The following DPF2 variants were observed in gnomAD, a reference collection of about 807,000 sequenced individuals.
DPF2 encodes the protein double PHD fingers 2, also known as zinc finger protein ubi-d4.
A neutral mutation model predicts 59.6 loss-of-function variants in DPF2; 10 were observed. The ratio of observed to expected loss-of-function variants is 0.17; its 90% CI spans 0.10 to 0.28. The LOEUF is 0.28. Among genes scored for constraint, DPF2 ranks in the 10% least tolerant of loss-of-function variants. The pLI is 1.00. For synonymous variants in DPF2, 189 were observed against 190.6 expected, an observed-to-expected ratio of 0.99 and a Z score of 0.07; for missense variants, 315 against 509.4, an observed-to-expected ratio of 0.62 and a Z score of 3.67.
intron 1 of DPF2, among the ~76,000 whole-genome samples, chr11:65,334,225 C>G (rs1218913701): frequency 1.3e-5 from 2 of 152,236 alleles, no homozygotes; most frequent in Admixed American, 1.3e-4. Context: ...GCGAGACTCA[C>G]CGTCCCGGTC....
At chr11:65,346,852 G>A (rs1403322066) in intron 9 of DPF2, 1 of 156,194 alleles carries the variant, frequency 6.4e-6, no homozygotes, top group Non-Finnish European at 1.4e-5. Flanking sequence ...AAGGCCTTAT[G>A]TTGGACAAGC....
In DPF2 at chr11:65,333,880, A is replaced by G. The variant is rs200766161; in HGVS notation, c.-7A>G. The G allele has an allele frequency of 2.2e-5, 35 of 1,613,926 alleles. No individual in the cohort carries two copies. The East Asian group carries it at 5.6e-4, about 26-fold the overall frequency. ...GCTTCTCGGCCCGAGGCAGAGGAAC[A>G]GGGAAGATGGCGGCTGTGGTGGAGA... is the stretch of plus-strand genomic sequence containing the variant. On this transcript the variant is annotated 5_prime_UTR_variant, in exon 1 of 11. Coordinates refer to ENST00000528416, the MANE Select transcript of DPF2 (RefSeq NM_006268.5).
intron 9 of DPF2, 111 bp downstream of exon 9, chr11:65,346,470 A>G (rs924140582): frequency 1.2e-6 from 1 of 869,480 alleles, no homozygotes; most frequent in South Asian, 1.6e-5. Flanking sequence ...GATCCCTCCC[A>G]CATGCCACAC....
chr11:65,338,880 C>T (rs768941561), intron 1 of DPF2, among the ~76,000 whole-genome samples: 2 of 152,142 alleles, frequency 1.3e-5, no homozygotes, highest in Non-Finnish European at 2.9e-5. Context: ...TGTTTGCTGT[C>T]TCATCCCCAG....
Position 65,344,333 on chromosome 11 carries a change from C to T in DPF2, c.637+264C>T, listed in dbSNP as rs1854466888. On this transcript the variant is annotated intron_variant, in intron 6 of 10. Coordinates refer to ENST00000528416, the MANE Select transcript of DPF2 (RefSeq NM_006268.5). ...GGGGGCCACAGCAGGCAGGGTTGGCCTCTCAACAGATGGCCTGCAGGTCTC... is the reference window on the plus strand; with the variant it reads ...GGGGGCCACAGCAGGCAGGGTTGGCTTCTCAACAGATGGCCTGCAGGTCTC... The T allele has an allele frequency of 4.9e-6, 3 of 612,332 alleles. No individual in the cohort carries two copies. In the East Asian group the frequency reaches 8.2e-5, roughly 17 times the overall value. The allele number at this position is 612,332 out of a possible 1,614,324, so 37.9% of individuals were successfully genotyped here.
intron 1 of DPF2, among the ~76,000 whole-genome samples, chr11:65,336,064 C>T (rs868652294): frequency 3.3e-5 from 5 of 151,938 alleles, no homozygotes; most frequent in South Asian, 2.1e-4. Flanking sequence ...TCACCCGCCT[C>T]GGCCTCCCAA....
In DPF2 at chr11:65,353,750, T is replaced by G. The variant is rs1179078558; in HGVS notation, c.*1991T>G. 6.6e-6 allele frequency among the ~76,000 whole-genome samples: 1 copy of G among 152,198 alleles called. No homozygotes were observed. Among genetic ancestry groups the G allele is most frequent in the Non-Finnish European group, 1.5e-5 (1 of 68,032 alleles). ...ACATTCTGAAAGTCATCCTTGCCTA[T>G]GGGAAGCCTAGGCCGGCCTGCACTG... On this transcript the variant is annotated 3_prime_UTR_variant, in exon 11 of 11. Transcript: ENST00000528416.
chr11:65,351,853 T>C lies in DPF2; in HGVS notation c.*94T>C, dbSNP rs1212694234. The C allele has an allele frequency of 7.1e-7, 1 of 1,409,942 alleles. No individual in the cohort carries two copies. Among genetic ancestry groups the C allele is most frequent in the Admixed American group, 1.8e-5 (1 of 54,440 alleles). The allele number at this position is 1,409,942 out of a possible 1,614,324, so 87.3% of individuals were successfully genotyped here. ...ATCTTTCCCTTCTTCCTCCTCTCCT[T>C]CACAAATCCAGAGAACCTTGGGGTG... On this transcript the variant is annotated 3_prime_UTR_variant, in exon 11 of 11. Coordinates refer to ENST00000528416, the MANE Select transcript of DPF2 (RefSeq NM_006268.5).
chr11:65,334,303 G>GCCCAC (rs1950067350), intron 1 of DPF2, among the ~76,000 whole-genome samples: 2 of 138,938 alleles, frequency 1.4e-5, no homozygotes, highest in African/African-American at 5.2e-5. Flanking sequence ...CTGGCCCGCC[G>GCCCAC]CCCACCCCGC....
At position 65,340,445 on chromosome 11, in the gene DPF2, C is replaced by T. The variant is rs150681380; in HGVS notation, c.93C>T (p.Leu31=). The change falls in exon 2 of 11, where the codon CTC becomes CTT. Residue 31 remains leucine, a synonymous_variant. Transcript: ENST00000528416. ...MEQCHNYNAR[L]CAERSVRLPF... ...AGTGCCACAATTACAATGCTCGCCTCTGTGCTGAGCGCAGCGTGCGCCTGC... is the reference window on the plus strand; with the variant it reads ...AGTGCCACAATTACAATGCTCGCCTTTGTGCTGAGCGCAGCGTGCGCCTGC... 66 of 1,614,254 alleles carry T rather than the reference C, an allele frequency of 4.1e-5. No individual in the cohort carries two copies. In the African/African-American group the frequency reaches 8.3e-4, roughly 20 times the overall value.
In DPF2 at chr11:65,350,982, GA is replaced by G. The variant is rs1004003423; in HGVS notation, c.1100-689del. On this transcript the variant is annotated intron_variant, in intron 10 of 10. Coordinates refer to ENST00000528416, the MANE Select transcript of DPF2 (RefSeq NM_006268.5). ...CAACAGAGCGGAAACTCTTGTCTCA[GA>G]AAAAAAAAAAATAAAGGGAGTTAAA... Among the ~76,000 whole-genome samples, 1,179 of 132,682 alleles carry G rather than the reference GA, an allele frequency of 8.9e-3. 11 individuals are homozygous for G. Among genetic ancestry groups the G allele is most frequent in the African/African-American group, 0.026 (926 of 36,124 alleles). The allele number at this position is 132,682 out of a possible 152,430, so 87.0% of individuals were successfully genotyped here.
At chr11:65,337,545 A>AGAGAGAGG (rs1211980981) in intron 1 of DPF2, among the ~76,000 whole-genome samples, 8 of 136,936 alleles carry the variant, frequency 5.8e-5, no homozygotes, top group African/African-American at 1.1e-4. Flanking sequence ...AGAGAGAGAG[A>AGAGAGAGG]GAACAATGTT....
intron 1 of DPF2, among the ~76,000 whole-genome samples, chr11:65,334,379 G>C (rs1950069300): frequency 1.3e-5 from 2 of 152,178 alleles, no homozygotes; most frequent in South Asian, 4.1e-4. Context: ...TGCGGGGCTG[G>C]CTGTTTCAGT....
At chr11:65,340,833 C>T in intron 2 of DPF2, 133 bp from the exon 3 acceptor site, 1 of 928,390 alleles carries the variant, frequency 1.1e-6, no homozygotes, top group Non-Finnish European at 1.6e-6. Context: ...TCCACCTAAC[C>T]CCCTAGGCCC....
At position 65,341,566 on chromosome 11, in the gene DPF2, C is replaced by T. The variant is rs905151453; in HGVS notation, c.465+4C>T. 1.2e-6 allele frequency: 2 copies of T among 1,613,996 alleles called. No homozygotes were observed. The highest frequency in any genetic ancestry group is 1.7e-6 in the Non-Finnish European group (2 of 1,179,956). On this transcript the variant is annotated splice_donor_region_variant and intron_variant, in intron 4 of 10. Transcript: ENST00000528416. ...GACCAACAGTCGAGCGCGAAAGGTA[C>T]AGGATTATCCCTGTGGCTAAGGGAG...
At chr11:65,343,651 CAG>C (rs1854444499) in intron 4 of DPF2, 92 bp from the exon 5 acceptor site, 14 of 1,219,774 alleles carry the variant, frequency 1.1e-5, no homozygotes, top group Non-Finnish European at 1.5e-5. Context: ...GACCACGTCA[CAG>C]AGGAGGTTCT....
rs571334732 is a variant in DPF2 at position 65,340,885 on chromosome 11, G to A, written c.194-81G>A. On this transcript the variant is annotated intron_variant, in intron 2 of 10. Coordinates refer to ENST00000528416, the MANE Select transcript of DPF2 (RefSeq NM_006268.5). ...TCCCTTGCTCTAGAACTCAAAGGGG[G>A]GCCTACTTAATTAGAAAGTGTTTGG... The A allele has an allele frequency of 2.6e-3, 3,623 of 1,369,280 alleles. 41 individuals are homozygous for A. Among genetic ancestry groups the A allele is most frequent in the Middle Eastern group, 1.9e-3 (9 of 4,778 alleles). 84.8% of individuals were successfully genotyped at this position (1,369,280 alleles called of 1,614,324 possible).
intron 4 of DPF2, 58 bp from the exon 5 acceptor site, chr11:65,343,687 A>AT: frequency 6.5e-7 from 1 of 1,535,330 alleles, no homozygotes; most frequent in Non-Finnish European, 8.8e-7. Flanking sequence ...CAGTCTCATC[A>AT]TAGGGGAGCT....
Position 65,343,805 on chromosome 11 carries a change from A to T in DPF2, c.526A>T (p.Thr176Ser). 6.3e-7 allele frequency: 1 copy of T among 1,591,218 alleles called. No individual in the cohort carries two copies. Among genetic ancestry groups the T allele is most frequent in the East Asian group, 2.3e-5 (1 of 44,018 alleles). The change falls in exon 5 of 11, where the codon ACT becomes TCT. Residue 176 changes from threonine (T) to serine (S), a missense_variant. Physicochemically the swap from Thr to Ser is moderately conservative, Grantham distance 58. Around this residue, in one of 4 missense-constraint regions of DPF2, gnomAD observed 228 missense variants for 275.3 expected, o/e 0.83. Transcript: ENST00000528416. The part of the protein sequence containing the change: ...DLDDEDYEED[T>S]PKRRGKGKSK... ...CGATGATGAAGACTATGAAGAAGATACTCCCAAGCGTCGGGGAAAGGGGAA... is the reference window on the plus strand; with the variant it reads ...CGATGATGAAGACTATGAAGAAGATTCTCCCAAGCGTCGGGGAAAGGGGAA...
Sources: allele counts gnomAD v4.1 joint callset (sites outside exome capture counted in the v4.1 genomes callset), GRCh38; gene constraint gnomAD v4.1.1; regional missense constraint gnomAD v4.1.1; transcripts MANE v1.5; gene names NCBI Gene and HGNC (gene_info 2026-07-23, HGNC 2026-07-21).